Variants in FHIP2A observed in about 807,000 individuals in gnomAD.
The protein encoded by FHIP2A is FHF complex subunit HOOK interacting protein 2A.
In FHIP2A, 46 loss-of-function variants were observed where a neutral mutation model predicts 93.5. The ratio of observed to expected loss-of-function variants is 0.49; its 90% confidence interval spans 0.39 to 0.63. The LOEUF (loss-of-function observed/expected upper bound fraction) is 0.63. Ranked by LOEUF, FHIP2A falls within the 20% of genes least tolerant of loss-of-function variation. The pLI is 0.00. For synonymous variants in FHIP2A, 332 were observed against 326.5 expected (o/e 1.02, Z -0.18); for missense variants, 769 against 909.7 (o/e 0.85, Z 1.99).
chr10:114,882,019 G>T (rs945196991), intron 16 of FHIP2A, among the ~76,000 whole-genome samples: 1 of 152,226 alleles, frequency 6.6e-6, no homozygotes, highest in Admixed American at 6.5e-5. Context: ...GTTTAAGAAG[G>T]CTGCTTTTGG....
chr10:114,843,251 C>G (rs747502110), intron 6 of FHIP2A, 25 bp downstream of exon 6: 2 of 1,468,866 alleles, frequency 1.4e-6, no homozygotes, highest in African/African-American at 1.4e-5. Context: ...TTACTTTTTC[C>G]CCCCTAACAT....
intron 12 of FHIP2A, among the ~76,000 whole-genome samples, chr10:114,847,764 T>G (rs1252403223): frequency 6.6e-6 from 1 of 150,936 alleles, no homozygotes; most frequent in Admixed American, 6.6e-5. Context: ...TTTTTTTTTT[T>G]GAGACAGAGT....
chr10:114,861,646 A>C lies in FHIP2A; in HGVS notation c.*106A>C, dbSNP rs966429396. 3 of 1,479,516 alleles carry C rather than the reference A, an allele frequency of 2.0e-6. No individual in the cohort carries two copies. Among genetic ancestry groups the C allele is most frequent in the Non-Finnish European group, 2.7e-6 (3 of 1,121,876 alleles). The allele number at this position is 1,479,516 out of a possible 1,614,324, so 91.6% of individuals were successfully genotyped here. A position where few individuals can be genotyped will look rare whatever the true frequency, so the allele number is the denominator to read the frequency against. On this transcript the variant is annotated 3_prime_UTR_variant, in exon 17 of 17. Transcript: ENST00000369248. Reference sequence around the variant, plus strand: ...GAGGATAAAAAGCCTTTTTAAACGCAGTATTGCTGTAAACTGGACAGAACC... The same window carrying C: ...GAGGATAAAAAGCCTTTTTAAACGCCGTATTGCTGTAAACTGGACAGAACC...
chr10:114,880,432 C>A (rs780090227), intron 16 of FHIP2A, among the ~76,000 whole-genome samples: 46 of 152,144 alleles, frequency 3.0e-4, no homozygotes, highest in Non-Finnish European at 5.1e-4. Context: ...GTAATCCCAG[C>A]ACTTTGGGAG....
At position 114,862,425 on chromosome 10, in the gene FHIP2A, G is replaced by A. The variant is rs1215261462; in HGVS notation, c.*885G>A. 24 of 987,314 alleles carry A rather than the reference G, an allele frequency of 2.4e-5. No individual in the cohort carries two copies. Among genetic ancestry groups the A allele is most frequent in the Non-Finnish European group, 2.8e-5 (23 of 830,086 alleles). 61.2% of individuals were successfully genotyped at this position (987,314 alleles called of 1,614,324 possible). A position where few individuals can be genotyped will look rare whatever the true frequency, so the allele number is the denominator to read the frequency against. On this transcript the variant is annotated 3_prime_UTR_variant, in exon 17 of 17. Transcript: ENST00000369248. ...TATAATTTGATTTTCTTACTGAAAC[G>A]CATGGTGGTGTCTAGGTGGGGAACT...
At chr10:114,875,976 AAGAG>A (rs2083886959) in intron 16 of FHIP2A, among the ~76,000 whole-genome samples, 1 of 151,784 alleles carries the variant, frequency 6.6e-6, no homozygotes, top group Non-Finnish European at 1.5e-5. Context: ...GTAGGAAGGT[AAGAG>A]AGAAAGAAAG....
intron 2 of FHIP2A, among the ~76,000 whole-genome samples, chr10:114,831,254 G>C (rs1657526202): frequency 6.6e-6 from 1 of 152,174 alleles, no homozygotes; most frequent in African/African-American, 2.4e-5. Flanking sequence ...CAGATGATAA[G>C]CGTCAAGGGA....
chr10:114,860,709 A>T, intron 14 of FHIP2A, 40 bp from the exon 15 acceptor site: 1 of 1,487,780 alleles, frequency 6.7e-7, no homozygotes, highest in Non-Finnish European at 9.4e-7. Flanking sequence ...ACCGGTATAC[A>T]TTATTTTTAA....
chr10:114,839,599 C>A (rs1288467254), intron 5 of FHIP2A, among the ~76,000 whole-genome samples: 1 of 152,032 alleles, frequency 6.6e-6, no homozygotes, highest in Non-Finnish European at 1.5e-5. Flanking sequence ...TCTTTGCCGG[C>A]CGGGCGCGGT....
At chr10:114,822,455 G>T (rs1231971530) in intron 1 of FHIP2A, among the ~76,000 whole-genome samples, 1 of 152,196 alleles carries the variant, frequency 6.6e-6, no homozygotes, top group African/African-American at 2.4e-5. Context: ...TGGGGCCGGG[G>T]GTTCGGGGAG....
At chr10:114,822,185 C>A (rs973327179) in intron 1 of FHIP2A, 62 bp downstream of exon 1, 17 of 1,085,042 alleles carry the variant, frequency 1.6e-5, no homozygotes, top group African/African-American at 1.3e-4. Context: ...CGCTCCCCGG[C>A]GGCCTCGGGG....
intron 5 of FHIP2A, among the ~76,000 whole-genome samples, chr10:114,837,425 G>C (rs1033189593): frequency 6.6e-6 from 1 of 152,184 alleles, no homozygotes; most frequent in Non-Finnish European, 1.5e-5. Context: ...TGAGGCAGGA[G>C]AATCCCTTGA....
intron 16 of FHIP2A, among the ~76,000 whole-genome samples, chr10:114,882,827 A>G (rs1213345261): frequency 6.6e-6 from 1 of 151,762 alleles, no homozygotes; most frequent in Non-Finnish European, 1.5e-5. Flanking sequence ...GTGAGCCAAG[A>G]TCGTGCCACT....
intron 2 of FHIP2A, among the ~76,000 whole-genome samples, chr10:114,832,932 T>C (rs2083615965): frequency 6.6e-6 from 1 of 152,170 alleles, no homozygotes; most frequent in Non-Finnish European, 1.5e-5. Context: ...CAGGCTGGTC[T>C]TGGATTCCTG....
chr10:114,899,252 A>G (rs2084015334), intron 16 of FHIP2A, among the ~76,000 whole-genome samples: 1 of 152,282 alleles, frequency 6.6e-6, no homozygotes, highest in Non-Finnish European at 1.5e-5. Context: ...GGATGCAAGT[A>G]TAACTGAAAC....
At chr10:114,852,084 A>G (rs574073179) in intron 13 of FHIP2A, among the ~76,000 whole-genome samples, 1 of 78,726 alleles carries the variant, frequency 1.3e-5, no homozygotes, top group African/African-American at 5.1e-5. Flanking sequence ...CCCACCCCCC[A>G]CCCCAGCCCT....
chr10:114,868,851 T>C (rs2083843688), downstream of FHIP2A, among the ~76,000 whole-genome samples: 1 of 152,206 alleles, frequency 6.6e-6, no homozygotes. Flanking sequence ...CGGGATGGTA[T>C]TCAGTTTAGA....
chr10:114,873,326 T>A (rs1451706636), intron 16 of FHIP2A, among the ~76,000 whole-genome samples: 1 of 152,230 alleles, frequency 6.6e-6, no homozygotes. Context: ...AGAGGAGGAA[T>A]ACAGAGATAA....
intron 12 of FHIP2A, among the ~76,000 whole-genome samples, chr10:114,847,785 C>T (rs1163347053): frequency 4.3e-5 from 6 of 139,372 alleles, no homozygotes; most frequent in African/African-American, 1.6e-4. Context: ...CTCACTGTGT[C>T]GCCCAGGCTG....
Sources: allele counts gnomAD v4.1 joint callset (sites outside exome capture counted in the v4.1 genomes callset), GRCh38; gene constraint gnomAD v4.1.1; transcripts MANE v1.5; gene names NCBI Gene and HGNC (gene_info 2026-07-23, HGNC 2026-07-21).